The following ZNF468 variants were observed in gnomAD, a reference collection of about 807,000 sequenced individuals.
ZNF468 encodes zinc finger protein ZNF468.
ZNF468 carries 8 observed loss-of-function variants against 7.2 expected under a neutral mutation model. That is an observed-to-expected ratio of 1.11 (90% confidence interval 0.65 to 2.01). The LOEUF (loss-of-function observed/expected upper bound fraction) is 2.01, where lower values mean the gene tolerates loss of function less well. Among genes scored for constraint, ZNF468 ranks in the 30% most tolerant of loss-of-function variants. The pLI is 0.00. For missense variants in ZNF468, 608 were observed against 626.5 expected (o/e 0.97, Z 0.31); for synonymous variants, 218 against 214.4 (o/e 1.02, Z -0.15).
intron 1 of ZNF468, among the ~76,000 whole-genome samples, chr19:52,856,576 G>T (rs1256332884): frequency 1.4e-5 from 2 of 146,880 alleles, no homozygotes. Context: ...TCCCCGCTGT[G>T]CTTCTCCCTC....
In ZNF468 at chr19:52,839,953, T is replaced by G; in HGVS notation, c.*772A>C. 8.3e-7 allele frequency: 1 copy of G among 1,200,692 alleles called. No individual in the cohort carries two copies. The highest frequency in any genetic ancestry group is 2.2e-4 in the Middle Eastern group (1 of 4,522). The allele number at this position is 1,200,692 out of a possible 1,614,324, so 74.4% of individuals were successfully genotyped here. Reference sequence around the variant, plus strand: ...AACTTTGTGACAATCATTACATTAGTCAAGTTTCCCTATACCATGGATTGC... The same window carrying G: ...AACTTTGTGACAATCATTACATTAGGCAAGTTTCCCTATACCATGGATTGC... On this transcript the variant is annotated 3_prime_UTR_variant, in exon 4 of 4. Transcript: ENST00000595646.
At position 52,841,301 on chromosome 19, in the gene ZNF468, A is replaced by T; in HGVS notation, c.993T>A (p.Val331=). The change falls in exon 4 of 4, where the codon GTT becomes GTA. Residue 331 remains valine, a synonymous_variant. Coordinates refer to ENST00000595646, the MANE Select transcript of ZNF468 (RefSeq NM_001008801.2). ...HTGEKPYKCK[V]CDEAFAYNSY... ...AATTATATGCGAAAGCCTCATCACAAACCTTACATTTGTATGGTTTCTCTC... is the reference window on the plus strand; with the variant it reads ...AATTATATGCGAAAGCCTCATCACATACCTTACATTTGTATGGTTTCTCTC... 6.2e-7 allele frequency: 1 copy of T among 1,611,844 alleles called. No individual in the cohort carries two copies. Among genetic ancestry groups the T allele is most frequent in the Non-Finnish European group, 8.5e-7 (1 of 1,179,566 alleles).
chr19:52,854,320 G>C lies in ZNF468; in HGVS notation c.-48C>G. On this transcript the variant is annotated 5_prime_UTR_variant, in exon 2 of 4. Transcript: ENST00000595646. The stretch of plus-strand genomic sequence containing the variant: ...TTCCTCTTCTGGGTTTCTTTCTCAC[G>C]TACCAACAGTCTTTAGAAGTCAATC... 1 of 1,612,824 alleles carries C rather than the reference G, an allele frequency of 6.2e-7. No homozygotes were observed. Among genetic ancestry groups the C allele is most frequent in the Non-Finnish European group, 8.5e-7 (1 of 1,179,212 alleles).
chr19:52,845,368 T>A (rs2063334505), intron 3 of ZNF468: 1 of 150,856 alleles, frequency 6.6e-6, no homozygotes, highest in South Asian at 2.1e-4. Flanking sequence ...CTATATAAAG[T>A]TCTCCAGACA....
At position 52,839,400 on chromosome 19, in the gene ZNF468, T is replaced by G. The variant is rs553575316; in HGVS notation, c.*1325A>C. On this transcript the variant is annotated 3_prime_UTR_variant, in exon 4 of 4. Coordinates refer to ENST00000595646, the MANE Select transcript of ZNF468 (RefSeq NM_001008801.2). ...TACAGGCATGAGCCATGGCCCCCAG[T>G]GCAATCCTCTTAACATAAACAGTTT... 3.3e-6 allele frequency: 1 copy of G among 302,038 alleles called. No homozygotes were observed. Among genetic ancestry groups the G allele is most frequent in the East Asian group, 9.1e-5 (1 of 11,034 alleles). The allele number at this position is 302,038 out of a possible 1,614,324, so 18.7% of individuals were successfully genotyped here.
intron 1 of ZNF468, among the ~76,000 whole-genome samples, chr19:52,856,856 T>G (rs976582335): frequency 1.4e-4 from 22 of 152,132 alleles, no homozygotes; most frequent in African/African-American, 5.3e-4. Flanking sequence ...ATTCTTCTTT[T>G]CTCTGTCTCA....
intron 2 of ZNF468, 116 bp from the exon 3 acceptor site, chr19:52,849,329 A>G (rs960187932): frequency 2.6e-6 from 4 of 1,560,938 alleles, no homozygotes; most frequent in Non-Finnish European, 3.5e-6. Context: ...TGTTCTGACA[A>G]ATCCAAATAA....
At chr19:52,851,569 C>T (rs1023978467) in intron 2 of ZNF468, among the ~76,000 whole-genome samples, 3 of 151,736 alleles carry the variant, frequency 2.0e-5, no homozygotes, top group African/African-American at 7.3e-5. Context: ...AGCAAGATTT[C>T]GCTCAAAAAA....
At chr19:52,853,905 A>G (rs1316372898) in intron 2 of ZNF468, 3 of 1,307,022 alleles carry the variant, frequency 2.3e-6, no homozygotes, top group Non-Finnish European at 2.9e-6. Flanking sequence ...CGTGACTCCC[A>G]TTGGCAGCTG....
chr19:52,840,713 C>A lies in ZNF468; in HGVS notation c.*12G>T. 6.2e-7 allele frequency: 1 copy of A among 1,613,272 alleles called. No homozygotes were observed. The highest frequency in any genetic ancestry group is 8.5e-7 in the Non-Finnish European group (1 of 1,179,534). On this transcript the variant is annotated 3_prime_UTR_variant, in exon 4 of 4. Coordinates refer to ENST00000595646, the MANE Select transcript of ZNF468 (RefSeq NM_001008801.2). ...AATTGTGATGGAAGGTCTTGCCACA[C>A]TCATTACACTATTAAGGCTTCTCTC...
chr19:52,857,421 G>T (rs1421432782), intron 1 of ZNF468, among the ~76,000 whole-genome samples, 151 bp downstream of exon 1: 1 of 152,224 alleles, frequency 6.6e-6, no homozygotes, highest in East Asian at 1.9e-4. Flanking sequence ...AAAAGAAGGG[G>T]CTTCCGGACT....
At chr19:52,844,485 G>C (rs184082019) in intron 3 of ZNF468, among the ~76,000 whole-genome samples, 1 of 152,120 alleles carries the variant, frequency 6.6e-6, no homozygotes, top group East Asian at 1.9e-4. Context: ...TTTTTGAGAT[G>C]GAGTCACGCT....
chr19:52,854,616 C>A (rs754801638), intron 1 of ZNF468, among the ~76,000 whole-genome samples: 2 of 152,102 alleles, frequency 1.3e-5, no homozygotes, highest in African/African-American at 2.4e-5. Flanking sequence ...TATGGTGGTA[C>A]GCATCTGTGT....
chr19:52,846,909 A>G lies in ZNF468; in HGVS notation c.142+2178T>C, dbSNP rs1023947654. Among the ~76,000 whole-genome samples, 3 of 152,174 alleles carry G rather than the reference A, an allele frequency of 2.0e-5. No individual in the cohort carries two copies. The East Asian group carries it at 5.8e-4, about 29-fold the overall frequency. On this transcript the variant is annotated intron_variant, in intron 3 of 3. Coordinates refer to ENST00000595646, the MANE Select transcript of ZNF468 (RefSeq NM_001008801.2). ...CCAGCTACTCAGGAATCTGGGGAACAAGAATCCTTTGAGCCCGGGAGGCGG... is the reference window on the plus strand; with the variant it reads ...CCAGCTACTCAGGAATCTGGGGAACGAGAATCCTTTGAGCCCGGGAGGCGG...
intron 3 of ZNF468, among the ~76,000 whole-genome samples, chr19:52,843,355 C>T (rs1174165373): frequency 6.6e-6 from 1 of 151,954 alleles, no homozygotes; most frequent in African/African-American, 2.4e-5. Context: ...TGCCTTAGGT[C>T]CTGAGCACCT....
intron 3 of ZNF468, among the ~76,000 whole-genome samples, chr19:52,846,828 C>T (rs1195827725): frequency 1.3e-5 from 2 of 152,054 alleles, no homozygotes; most frequent in African/African-American, 4.8e-5. Context: ...ATGGTGAAAC[C>T]CCCCTCTACT....
At position 52,850,855 on chromosome 19, in the gene ZNF468, C is replaced by T. The variant is rs936352171; in HGVS notation, c.16-1642G>A. ...TGGAGCTTGCAGTGAGCCGAGATCG[C>T]GCCACTGCACTCCAGCCTGGGCGAC... On this transcript the variant is annotated intron_variant, in intron 2 of 3. Coordinates refer to ENST00000595646, the MANE Select transcript of ZNF468 (RefSeq NM_001008801.2). Among the ~76,000 whole-genome samples the T allele has an allele frequency of 5.3e-5, 8 of 151,422 alleles. No individual in the cohort carries two copies. The South Asian group carries it at 8.3e-4, about 16-fold the overall frequency.
intron 3 of ZNF468, among the ~76,000 whole-genome samples, chr19:52,842,427 C>T (rs58201419): frequency 0.11 from 16,389 of 152,002 alleles, 937 homozygotes; most frequent in Admixed American, 0.12. Flanking sequence ...TGTTTTTCCA[C>T]TGTGACCCTA....
In ZNF468 at chr19:52,849,131, T is replaced by A. The variant is rs752862980; in HGVS notation, c.98A>T (p.Tyr33Phe). 1 of 1,614,012 alleles carries A rather than the reference T, an allele frequency of 6.2e-7. No individual in the cohort carries two copies. The highest frequency in any genetic ancestry group is 1.1e-5 in the South Asian group (1 of 91,066). Residue 33 changes from tyrosine (Y) to phenylalanine (F), a missense_variant, in exon 3 of 4, where the codon TAC becomes TTC. By Grantham distance (22) the Tyr-to-Phe change is conservative (BLOSUM62 3). Transcript: ENST00000595646. ...KCLDPAQRTL[Y>F]RDVMLENYRN... ...ATAATTCTCCAGCATCACGTCCCTG[T>A]ATAAAGTCCTCTGAGCAGGGTCCAG...
Sources: gnomAD v4.1 joint callset for allele counts (sites outside exome capture counted in the v4.1 genomes callset) on GRCh38, gnomAD v4.1.1 for gene constraint, MANE v1.5 for transcripts, NCBI Gene and HGNC (gene_info 2026-07-23, HGNC 2026-07-21) for gene names.